Variants in PCDH15 observed in about 807,000 individuals in gnomAD.
PCDH15 encodes protocadherin related 15, also known as protocadherin-15.
In PCDH15, 129 loss-of-function variants were observed where a neutral mutation model predicts 178.5. The observed-to-expected ratio is 0.72, with a 90% confidence interval of 0.63 to 0.84. The LOEUF (loss-of-function observed/expected upper bound fraction) is 0.84, where lower values mean the gene tolerates loss of function less well. PCDH15 is among the 40% of genes least tolerant of loss of function. The pLI is 0.00. For synonymous variants in PCDH15, 800 were observed against 732.0 expected (o/e 1.09, Z -1.50); for missense variants, 2,230 against 2,099.9 (o/e 1.06, Z -1.21).
intron 1 of PCDH15, among the ~76,000 whole-genome samples, chr10:55,303,088 TATA>T (rs1330724540): frequency 4.4e-5 from 1 of 22,576 alleles, no homozygotes; most frequent in Non-Finnish European, 8.8e-5. Flanking sequence ...ATATTTGAGA[TATA>T]TATATATATA....
At chr10:54,619,638 G>A (rs1487466170) in intron 2 of PCDH15, among the ~76,000 whole-genome samples, 1 of 152,004 alleles carries the variant, frequency 6.6e-6, no homozygotes, top group Non-Finnish European at 1.5e-5. Flanking sequence ...TAAATAAGAT[G>A]TGCTCACTTT....
At chr10:54,046,890 TG>T (rs11301083) in intron 18 of PCDH15, among the ~76,000 whole-genome samples, 87,576 of 151,808 alleles carry the variant, frequency 0.58, 25,554 homozygotes, top group Middle Eastern at 0.71. Context: ...AAAACCAAGT[TG>T]GTTGCCAAGC....
At chr10:55,080,871 T>A (rs1168406235) in intron 2 of PCDH15, among the ~76,000 whole-genome samples, 2 of 152,008 alleles carry the variant, frequency 1.3e-5, no homozygotes, top group African/African-American at 4.8e-5. Flanking sequence ...CCCCAGACAG[T>A]CAGTTTTCAG....
intron 3 of PCDH15, among the ~76,000 whole-genome samples, chr10:54,418,841 C>T (rs551769397): frequency 1.3e-5 from 2 of 151,842 alleles, no homozygotes; most frequent in African/African-American, 4.8e-5. Flanking sequence ...CTAAACAAAG[C>T]TAAAAGACAA....
chr10:53,860,632 G>A (rs1053328583), intron 27 of PCDH15, among the ~76,000 whole-genome samples: 25 of 150,290 alleles, frequency 1.7e-4, no homozygotes, highest in African/African-American at 5.1e-4. Context: ...TCTGGAGGTT[G>A]AGGCACGAGA....
intron 2 of PCDH15, among the ~76,000 whole-genome samples, chr10:54,975,583 A>G (rs1839049542): frequency 6.6e-6 from 1 of 152,164 alleles, no homozygotes; most frequent in Non-Finnish European, 1.5e-5. Flanking sequence ...TGGTGGTGGC[A>G]GAGAAGGCTT....
chr10:55,244,851 G>A (rs981401099), intron 1 of PCDH15, among the ~76,000 whole-genome samples: 3 of 151,386 alleles, frequency 2.0e-5, no homozygotes, highest in Non-Finnish European at 2.9e-5. Context: ...TCTGAAGAAA[G>A]TTAAATCACT....
intron 3 of PCDH15, among the ~76,000 whole-genome samples, chr10:54,830,519 G>A (rs961551613): frequency 6.6e-6 from 1 of 151,682 alleles, no homozygotes; most frequent in Admixed American, 6.6e-5. Flanking sequence ...TCACTCATAG[G>A]TGGGAATTGA....
At chr10:53,828,602 TAGAA>T (rs1306600083) in intron 30 of PCDH15, 29 bp from the exon 31 acceptor site, 12 of 1,522,442 alleles carry the variant, frequency 7.9e-6, no homozygotes, top group Non-Finnish European at 1.1e-5. Flanking sequence ...GTAAGAAAAA[TAGAA>T]AGCTACATTA....
At chr10:53,891,297 C>T (rs2081539896) in intron 26 of PCDH15, among the ~76,000 whole-genome samples, 1 of 152,118 alleles carries the variant, frequency 6.6e-6, no homozygotes, top group Admixed American at 6.5e-5. Context: ...TGTCAGTATT[C>T]TTGCTCTACA....
At chr10:54,330,744 T>C (rs1327924021) in intron 6 of PCDH15, among the ~76,000 whole-genome samples, 1 of 151,908 alleles carries the variant, frequency 6.6e-6, no homozygotes, top group East Asian at 1.9e-4. Flanking sequence ...TAAGGGAGTA[T>C]AATTTATAAG....
rs1401003854 is a variant in PCDH15 at position 54,757,375 on chromosome 10, C to T, written c.-29+43550G>A. Among the ~76,000 whole-genome samples the T allele has an allele frequency of 5.3e-5, 2 of 37,610 alleles. 1 individual carries two copies. Among genetic ancestry groups the T allele is most frequent in the African/African-American group, 3.0e-4 (2 of 6,662 alleles). 24.7% of individuals were successfully genotyped at this position (37,610 alleles called of 152,430 possible). Reference sequence around the variant, plus strand: ...TCGACTCACTGCAAGCTCCGCCTCCCGGGTTCACGCCATTCTCCTGCCTCA... The same window carrying T: ...TCGACTCACTGCAAGCTCCGCCTCCTGGGTTCACGCCATTCTCCTGCCTCA... On this transcript the variant is annotated intron_variant, in intron 1 of 37. Transcript: ENST00000644397.
At chr10:54,726,423 T>G (rs4935121) in intron 1 of PCDH15, among the ~76,000 whole-genome samples, 519 of 65,598 alleles carry the variant, frequency 7.9e-3, no homozygotes, top group African/African-American at 0.041. Flanking sequence ...ATCAGGGGTG[T>G]GTGTGTGTGT....
At chr10:54,908,474 G>A (rs10763153) in intron 2 of PCDH15, among the ~76,000 whole-genome samples, 147,798 of 152,178 alleles carry the variant, frequency 0.97, 71,914 homozygotes, top group East Asian at 1. Flanking sequence ...TAGGTCTGGG[G>A]CCCCACAAGG....
chr10:53,839,275 G>A (rs911656524), intron 29 of PCDH15, among the ~76,000 whole-genome samples: 1 of 148,966 alleles, frequency 6.7e-6, no homozygotes, highest in Non-Finnish European at 1.5e-5. Flanking sequence ...AATTTTAGCT[G>A]ATATTAAATC....
At chr10:53,820,006 G>C (rs1295108476) in intron 33 of PCDH15, among the ~76,000 whole-genome samples, 159 bp downstream of exon 33, 3 of 151,858 alleles carry the variant, frequency 2.0e-5, no homozygotes, top group Non-Finnish European at 2.9e-5. Flanking sequence ...TAGGGCTGTA[G>C]GTACCTACAC....
intron 2 of PCDH15, among the ~76,000 whole-genome samples, chr10:55,441,951 G>A (rs1589030826): frequency 7.9e-6 from 1 of 126,138 alleles, no homozygotes; most frequent in African/African-American, 2.7e-5. Flanking sequence ...AAAGAGATGC[G>A]GCCACATGTC....
At chr10:54,600,065 T>G in intron 2 of PCDH15, 2 of 1,167,756 alleles carry the variant, frequency 1.7e-6, no homozygotes, top group Non-Finnish European at 2.5e-6. Context: ...GAAAAGGAAA[T>G]CGAGGAAGCT....
At chr10:54,001,462 ATTT>A (rs142244110) in intron 20 of PCDH15, among the ~76,000 whole-genome samples, 5,813 of 152,108 alleles carry the variant, frequency 0.038, 150 homozygotes, top group East Asian at 0.11. Context: ...TTTATTAGTT[ATTT>A]TTTCTTGTCT....
Sources: allele counts gnomAD v4.1 joint callset (sites outside exome capture counted in the v4.1 genomes callset), GRCh38; gene constraint gnomAD v4.1.1; transcripts MANE v1.5; gene names NCBI Gene and HGNC (gene_info 2026-07-23, HGNC 2026-07-21).